The following GLRA1 variants were observed in gnomAD, a reference collection of about 807,000 sequenced individuals.
GLRA1 encodes the protein glycine receptor alpha 1.
In GLRA1, 37 loss-of-function variants were observed where a neutral mutation model predicts 48.3. That is an observed-to-expected ratio of 0.77 (90% CI 0.59 to 1.01). The LOEUF (loss-of-function observed/expected upper bound fraction) is 1.01. GLRA1 is among the 50% of genes least tolerant of loss of function. The pLI, the probability that GLRA1 is intolerant of heterozygous loss-of-function variation, is 0.00. For synonymous variants in GLRA1, 196 were observed against 210.7 expected, an observed-to-expected ratio of 0.93 and a Z score of 0.60; for missense variants, 427 against 571.0, an observed-to-expected ratio of 0.75 and a Z score of 2.57.
At chr5:151,836,128 CA>C (rs1299443400) in intron 7 of GLRA1, among the ~76,000 whole-genome samples, 1 of 152,164 alleles carries the variant, frequency 6.6e-6, no homozygotes, top group Non-Finnish European at 1.5e-5. Flanking sequence ...GATACAAAAT[CA>C]ATGTGCAAAA....
chr5:151,833,706 A>G (rs1581600914), intron 7 of GLRA1, among the ~76,000 whole-genome samples: 1 of 145,378 alleles, frequency 6.9e-6, no homozygotes, highest in Admixed American at 7.2e-5. Flanking sequence ...CAGGCTATCC[A>G]CCTGCCTCGG....
chr5:151,836,054 G>T (rs1176781114), intron 7 of GLRA1, among the ~76,000 whole-genome samples: 1 of 152,182 alleles, frequency 6.6e-6, no homozygotes, highest in Non-Finnish European at 1.5e-5. Flanking sequence ...TGTATATTTA[G>T]AAAACCCCAT....
chr5:151,918,280 G>C lies in GLRA1; in HGVS notation c.56+6214C>G, dbSNP rs537053978. 2.6e-5 allele frequency among the ~76,000 whole-genome samples: 4 copies of C among 152,260 alleles called. No homozygotes were observed. In the East Asian group the frequency reaches 7.7e-4, roughly 29 times the overall value. On this transcript the variant is annotated intron_variant, in intron 1 of 8. Transcript: ENST00000274576. ...GCTGGCTGTATAGTGTTTTCATTTT[G>C]TGTGTTAGGCTTTACAGGGAGTTGG...
chr5:151,855,936 G>T (rs1210621257), intron 5 of GLRA1, among the ~76,000 whole-genome samples: 1 of 152,114 alleles, frequency 6.6e-6, no homozygotes, highest in Non-Finnish European at 1.5e-5. Flanking sequence ...ATCACTTGCC[G>T]CCCTTTAGTA....
At chr5:151,859,725 G>C (rs1753144926) in intron 4 of GLRA1, 60 bp downstream of exon 4, 24 of 1,246,420 alleles carry the variant, frequency 1.9e-5, no homozygotes, top group Admixed American at 3.4e-5. Context: ...TCTATGCCCA[G>C]AAGGTAGTGG....
At chr5:151,861,820 A>G (rs961457525) in intron 3 of GLRA1, among the ~76,000 whole-genome samples, 3 of 152,246 alleles carry the variant, frequency 2.0e-5, no homozygotes, top group African/African-American at 7.2e-5. Context: ...GCTCATGGAT[A>G]GGAAGAATCA....
At chr5:151,910,328 T>C (rs1754578257) in intron 1 of GLRA1, among the ~76,000 whole-genome samples, 1 of 152,224 alleles carries the variant, frequency 6.6e-6, no homozygotes, top group Non-Finnish European at 1.5e-5. Context: ...AAGTAATATA[T>C]ATTGTTGTAA....
chr5:151,871,816 G>A (rs921435070), intron 3 of GLRA1, among the ~76,000 whole-genome samples: 1 of 149,474 alleles, frequency 6.7e-6, no homozygotes, highest in Non-Finnish European at 1.5e-5. Flanking sequence ...TGCCTGCCTC[G>A]GCCTCCCAAA....
chr5:151,896,029 G>A (rs910959219), intron 1 of GLRA1, among the ~76,000 whole-genome samples: 6 of 152,126 alleles, frequency 3.9e-5, no homozygotes, highest in Admixed American at 2.6e-4. Context: ...CGATCTCTTC[G>A]CCCTTAGGCC....
At chr5:151,909,088 G>C (rs922737966) in intron 1 of GLRA1, among the ~76,000 whole-genome samples, 3 of 152,080 alleles carry the variant, frequency 2.0e-5, no homozygotes, top group African/African-American at 7.2e-5. Context: ...AAAAGTTTCT[G>C]GCATATAGTA....
chr5:151,878,392 C>T (rs957702183), intron 3 of GLRA1, among the ~76,000 whole-genome samples: 1 of 152,190 alleles, frequency 6.6e-6, no homozygotes, highest in South Asian at 2.1e-4. Flanking sequence ...GGAAAATTTG[C>T]AGCCTGACAA....
At chr5:151,910,064 A>G (rs1455572917) in intron 1 of GLRA1, among the ~76,000 whole-genome samples, 1 of 152,242 alleles carries the variant, frequency 6.6e-6, no homozygotes, top group Non-Finnish European at 1.5e-5. Flanking sequence ...TGCTTCCAGC[A>G]CAATGACTTC....
chr5:151,856,398 G>A lies in GLRA1; in HGVS notation c.477-15C>T. On this transcript the variant is annotated splice_polypyrimidine_tract_variant and intron_variant, in intron 4 of 8. Transcript: ENST00000274576. ...TCAGGGTGATTCTGGGAAGAGAAGG[G>A]ATTTTGAATGATGCAGGATCTGCAC... The A allele has an allele frequency of 3.3e-6, 5 of 1,529,198 alleles. No individual in the cohort carries two copies. Among genetic ancestry groups the A allele is most frequent in the Non-Finnish European group, 3.6e-6 (4 of 1,103,078 alleles). 94.7% of individuals were successfully genotyped at this position (1,529,198 alleles called of 1,614,324 possible). A position where few individuals can be genotyped will look rare whatever the true frequency, so the allele number is the denominator to read the frequency against.
At chr5:151,894,575 C>T (rs973157574) in intron 1 of GLRA1, among the ~76,000 whole-genome samples, 2 of 152,122 alleles carry the variant, frequency 1.3e-5, no homozygotes, top group African/African-American at 2.4e-5. Context: ...ACTCACTCAC[C>T]AGGTGCTGAT....
intron 7 of GLRA1, among the ~76,000 whole-genome samples, chr5:151,849,259 T>TC (rs879604542): frequency 0.062 from 7,109 of 113,788 alleles, 1,514 homozygotes; most frequent in Non-Finnish European, 0.089. Flanking sequence ...CCCTTCTTTC[T>TC]TTCTCTCTCT....
At chr5:151,856,254 TA>T in intron 5 of GLRA1, 46 bp downstream of exon 5, 1 of 1,331,732 alleles carries the variant, frequency 7.5e-7, no homozygotes, top group Non-Finnish European at 1.1e-6. Flanking sequence ...ATCCCATGGG[TA>T]AAAAGGAGCC....
In GLRA1 at chr5:151,828,959, C is replaced by T. The variant is rs200218897; in HGVS notation, c.1021G>A (p.Glu341Lys). 1 of 1,613,996 alleles carries T rather than the reference C, an allele frequency of 6.2e-7. No individual in the cohort carries two copies. ...AVNFVSRQHK[E>K]LLRFRRKRRH... ...CGCTTCCTCCTGAATCGGAGCAGCT[C>T]CTTATGTTGCCGAGACACAAAGTTA... Residue 341 changes from glutamate to lysine, a missense_variant, in exon 8 of 9, where the codon GAG (glutamate) becomes AAG (lysine). Glu to Lys is a moderately conservative substitution (Grantham distance 56). This residue lies in a region of GLRA1 where 271 missense variants were observed against 434.9 expected (regional missense o/e 0.62). Coordinates refer to ENST00000274576, the MANE Select transcript of GLRA1 (RefSeq NM_000171.4).
rs1348111638 is a variant in GLRA1 at position 151,924,631 on chromosome 5, CT to C, written c.-83del. 1.2e-5 allele frequency: 10 copies of C among 869,346 alleles called. No individual in the cohort carries two copies. The highest frequency in any genetic ancestry group is 2.0e-5 in the Non-Finnish European group (10 of 499,778). 53.9% of individuals were successfully genotyped at this position (869,346 alleles called of 1,614,324 possible). A position where few individuals can be genotyped will look rare whatever the true frequency, so the allele number is the denominator to read the frequency against. On this transcript the variant is annotated 5_prime_UTR_variant, in exon 1 of 9. It adds an upstream start codon to the 5' untranslated region. Coordinates refer to ENST00000274576, the MANE Select transcript of GLRA1 (RefSeq NM_000171.4). ...TTGGCACTTACAAAACCAGAAAGCG[CT>C]ATTGCAAAAAATAATCCAGATGTTA...
At chr5:151,839,137 A>G (rs929980336) in intron 7 of GLRA1, among the ~76,000 whole-genome samples, 1 of 152,236 alleles carries the variant, frequency 6.6e-6, no homozygotes, top group African/African-American at 2.4e-5. Context: ...AAGACTGCCA[A>G]TTTTTCTCAA....
Sources: gnomAD v4.1 joint callset for allele counts (sites outside exome capture counted in the v4.1 genomes callset) on GRCh38, gnomAD v4.1.1 for gene constraint, gnomAD v4.1.1 regional missense constraint, MANE v1.5 for transcripts, NCBI Gene and HGNC (gene_info 2026-07-23, HGNC 2026-07-21) for gene names.